ZNF233: variants seen among roughly 807,000 people sequenced by gnomAD.
The protein encoded by ZNF233 is zinc finger protein 233.
In ZNF233, 7 loss-of-function variants were observed where a neutral mutation model predicts 11.6. That is an observed-to-expected ratio of 0.60 (90% confidence interval 0.34 to 1.13). The LOEUF (loss-of-function observed/expected upper bound fraction) is 1.13. ZNF233 is among the 50% of genes most tolerant of loss of function. The pLI, the probability that ZNF233 is intolerant of heterozygous loss-of-function variation, is 0.03. For missense variants in ZNF233, 711 were observed against 785.5 expected, an observed-to-expected ratio of 0.91 and a Z score of 1.13; for synonymous variants, 226 against 268.5, an observed-to-expected ratio of 0.84 and a Z score of 1.55.
chr19:44,265,587 A>AT (rs1257285611), intron 2 of ZNF233, among the ~76,000 whole-genome samples: 1 of 151,906 alleles, frequency 6.6e-6, no homozygotes, highest in Non-Finnish European at 1.5e-5. Flanking sequence ...TACCCAGCTA[A>AT]TTTTTTGTGT....
intron 2 of ZNF233, among the ~76,000 whole-genome samples, chr19:44,264,952 C>T (rs994298105): frequency 6.6e-6 from 1 of 152,124 alleles, no homozygotes; most frequent in African/African-American, 2.4e-5. Flanking sequence ...TATTTACTTA[C>T]AAAAATTATA....
rs773923649 is a variant in ZNF233 at position 44,273,756 on chromosome 19, G to A, written c.1096G>A (p.Gly366Arg). ...CLPSHELTHP[G>R]EKLCTCGRCG... is the part of the protein sequence containing the mutation. The stretch of plus-strand genomic sequence containing the variant: ...TCCCTCTCATGAGCTTACTCACCCA[G>A]GAGAGAAGTTGTGTACATGTGGCAG... The change falls in exon 5 of 5, where the codon GGA becomes AGA. Residue 366 changes from glycine to arginine, a missense_variant. Gly to Arg is a moderately radical substitution (Grantham distance 125). Coordinates refer to ENST00000683810, the MANE Select transcript of ZNF233 (RefSeq NM_001207005.2). 3 of 1,614,172 alleles carry A rather than the reference G, an allele frequency of 1.9e-6. No homozygotes were observed. In the Middle Eastern group the frequency reaches 4.9e-4, roughly 266 times the overall value.
chr19:44,269,607 T>A (rs2123058830), intron 4 of ZNF233, among the ~76,000 whole-genome samples: 1 of 151,872 alleles, frequency 6.6e-6, no homozygotes, highest in South Asian at 2.1e-4. Context: ...AATCTTTACT[T>A]TTTTTTTAAT....
At chr19:44,262,420 T>C (rs1200211047) in intron 1 of ZNF233, among the ~76,000 whole-genome samples, 1 of 152,184 alleles carries the variant, frequency 6.6e-6, no homozygotes, top group Non-Finnish European at 1.5e-5. Flanking sequence ...AAAGTGGCCC[T>C]GGTACATGTA....
At position 44,275,017 on chromosome 19, in the gene ZNF233, A is replaced by T; in HGVS notation, c.*344A>T. On this transcript the variant is annotated 3_prime_UTR_variant, in exon 5 of 5. Transcript: ENST00000683810. ...CTTCAAAATGATAAGTAAGGTCAGA[A>T]TTTAGCAAAAGTATAATGAGGGACA... 4 of 408,372 alleles carry T rather than the reference A, an allele frequency of 9.8e-6. No individual in the cohort carries two copies. The Admixed American group carries it at 1.6e-4, about 16-fold the overall frequency. 25.3% of individuals were successfully genotyped at this position (408,372 alleles called of 1,614,324 possible). A position where few individuals can be genotyped will look rare whatever the true frequency, so the allele number is the denominator to read the frequency against.
intron 1 of ZNF233, among the ~76,000 whole-genome samples, chr19:44,260,701 G>T (rs577503581): frequency 2.6e-4 from 39 of 152,184 alleles, no homozygotes; most frequent in Non-Finnish European, 4.8e-4. Context: ...CTGCAGAGAG[G>T]AGGGTGTTGA....
At position 44,272,948 on chromosome 19, in the gene ZNF233, A is replaced by G. The variant is rs958102771; in HGVS notation, c.288A>G (p.Arg96=). The change falls in exon 5 of 5, where the codon AGA becomes AGG. Residue 96 remains arginine, a synonymous_variant. Coordinates refer to ENST00000683810, the MANE Select transcript of ZNF233 (RefSeq NM_001207005.2). ...ATACCCTTCAAGAAGTAAGATTAAG[A>G]TTCCTTTCATATGAAGACCTTATAT... The part of the protein sequence containing the change: ...EIDTLQEVRL[R]FLSYEDLICW... 4 of 1,608,784 alleles carry G rather than the reference A, an allele frequency of 2.5e-6. No homozygotes were observed. Among genetic ancestry groups the G allele is most frequent in the Non-Finnish European group, 3.4e-6 (4 of 1,178,780 alleles).
chr19:44,264,905 A>G (rs1488303250), intron 2 of ZNF233, among the ~76,000 whole-genome samples: 2 of 152,176 alleles, frequency 1.3e-5, no homozygotes, highest in African/African-American at 4.8e-5. Flanking sequence ...TAGTATTTCA[A>G]TTTGCAAGAC....
At chr19:44,265,700 G>A (rs554513970) in intron 2 of ZNF233, among the ~76,000 whole-genome samples, 19 of 152,288 alleles carry the variant, frequency 1.2e-4, no homozygotes, top group African/African-American at 3.8e-4. Context: ...GATTACAGGC[G>A]TGAGCCACTG....
Position 44,266,316 on chromosome 19 carries a change from T to C in ZNF233, c.134T>C (p.Leu45Pro), listed in dbSNP as rs1172142377. 1.2e-6 allele frequency: 2 copies of C among 1,603,716 alleles called. No homozygotes were observed. Among genetic ancestry groups the C allele is most frequent in the Admixed American group, 1.7e-5 (1 of 59,406 alleles). Residue 45 changes from leucine (L) to proline (P), a missense_variant, in exon 3 of 5, where the codon CTG becomes CCG. Transcript: ENST00000683810. ...ATGCTGGAGAACTTCAGGAACCTGC[T>C]GTCAGTGGGTGAGCACAGGCACCTT... ...DVMLENFRNL[L>P]SVGYQPFKLD...
chr19:44,264,351 G>A lies in ZNF233; in HGVS notation c.-10G>A, dbSNP rs1975011837. ...AGGACCCTGCCCTTCCCCAGAAGGA[G>A]CAGGAGAAAATGACCAAGTTTCAGG... On this transcript the variant is annotated 5_prime_UTR_variant, in exon 2 of 5. Transcript: ENST00000683810. 1 of 1,613,452 alleles carries A rather than the reference G, an allele frequency of 6.2e-7. No individual in the cohort carries two copies. The highest frequency in any genetic ancestry group is 8.5e-7 in the Non-Finnish European group (1 of 1,179,780).
intron 2 of ZNF233, 115 bp downstream of exon 2, chr19:44,264,490 C>A (rs908258661): frequency 4.4e-6 from 4 of 904,800 alleles, no homozygotes; most frequent in Admixed American, 6.8e-5. Flanking sequence ...TATTTGGAAT[C>A]TGCTAGTTAC....
chr19:44,273,386 CTG>C lies in ZNF233; in HGVS notation c.731_732del (p.Val244GlufsTer7), dbSNP rs1568636915. On this transcript the variant is annotated frameshift_variant, in exon 5 of 5. Transcript: ENST00000683810. LOFTEE classifies it low-confidence loss of function (END_TRUNC). ...TTAGCCACAATAATTGTGGAAAAGA[CTG>C]TGTGAAGGAATCATCCCAGCATAGC... Reference protein sequence around the residue: ...AFSHNNCGKDCVKESSQHSII... With the variant: ...AFSHNNCGKDXVKESSQHSII... 7.4e-6 allele frequency: 12 copies of C among 1,614,056 alleles called. No homozygotes were observed. Among genetic ancestry groups the C allele is most frequent in the East Asian group, 2.2e-5 (1 of 44,902 alleles).
chr19:44,260,236 T>C (rs1599869164), intron 1 of ZNF233: 2 of 193,320 alleles, frequency 1.0e-5, no homozygotes, highest in African/African-American at 4.8e-5. Context: ...CCGTTTCTCC[T>C]CTGTAAAGTG....
At chr19:44,259,985 T>C (rs1158003871) in intron 1 of ZNF233, 47 bp downstream of exon 1, 5 of 446,866 alleles carry the variant, frequency 1.1e-5, no homozygotes, top group Non-Finnish European at 2.3e-5. Context: ...TTTCCTGGCC[T>C]GGGCGTTGGA....
intron 1 of ZNF233, among the ~76,000 whole-genome samples, chr19:44,261,751 A>C (rs1974944008): frequency 2.0e-5 from 3 of 149,428 alleles, no homozygotes; most frequent in Non-Finnish European, 4.4e-5. Context: ...TCCCAGGTTC[A>C]AGTGATTCTC....
intron 2 of ZNF233, 52 bp from the exon 3 acceptor site, chr19:44,266,146 T>C (rs1975074682): frequency 7.0e-6 from 11 of 1,562,616 alleles, no homozygotes; most frequent in South Asian, 4.7e-5. Flanking sequence ...GCTGCCTCTC[T>C]CCCAGCAGTT....
Position 44,274,871 on chromosome 19 carries a change from A to C in ZNF233, c.*198A>C. 1 of 513,312 alleles carries C rather than the reference A, an allele frequency of 1.9e-6. No homozygotes were observed. Among genetic ancestry groups the C allele is most frequent in the Non-Finnish European group, 3.4e-6 (1 of 297,814 alleles). 31.8% of individuals were successfully genotyped at this position (513,312 alleles called of 1,614,324 possible). A position where few individuals can be genotyped will look rare whatever the true frequency, so the allele number is the denominator to read the frequency against. On this transcript the variant is annotated 3_prime_UTR_variant, in exon 5 of 5. Transcript: ENST00000683810. The stretch of plus-strand genomic sequence containing the variant: ...TTTTGTATGAATATGACCAGTTTCA[A>C]GCAGAGCCCAAAATGTCACAGTTGT...
chr19:44,269,925 C>T (rs1271878596), intron 4 of ZNF233, among the ~76,000 whole-genome samples: 1 of 152,160 alleles, frequency 6.6e-6, no homozygotes, highest in Admixed American at 6.5e-5. Context: ...ACGTACCCAG[C>T]TCCACCTATA....
Sources: allele counts gnomAD v4.1 joint callset (sites outside exome capture counted in the v4.1 genomes callset), GRCh38; gene constraint gnomAD v4.1.1; transcripts MANE v1.5; gene names NCBI Gene and HGNC (gene_info 2026-07-23, HGNC 2026-07-21).